DMD: variants seen among roughly 807,000 people sequenced by gnomAD.
DMD encodes mutant dystrophin.
In DMD, 63 loss-of-function variants were observed where a neutral mutation model predicts 330.1. That is an observed-to-expected ratio of 0.19 (90% CI 0.16 to 0.24). DMD has a LOEUF of 0.24. Among genes scored for constraint, DMD ranks in the 10% least tolerant of loss-of-function variants. DMD has a pLI of 1.00. For synonymous variants in DMD, 1,223 were observed against 959.8 expected (o/e 1.27, Z -5.07); for missense variants, 3,344 against 2,684.1 (o/e 1.25, Z -5.43).
intron 1 of DMD, among the ~76,000 whole-genome samples, chrX:33,195,732 TTG>T (rs71969580): frequency 5.8e-4 from 57 of 97,690 alleles, no homozygotes; most frequent in South Asian, 1.9e-3. Context: ...CTGTTCTATT[TTG>T]TGTGTGTGTG....
chrX:33,213,188 T>C (rs1406642568), upstream of DMD, among the ~76,000 whole-genome samples: 4 of 111,522 alleles, frequency 3.6e-5, no homozygotes, highest in African/African-American at 1.3e-4. Flanking sequence ...AACCCTAAAG[T>C]GTATGTTTCT....
intron 48 of DMD, among the ~76,000 whole-genome samples, chrX:31,848,752 C>T (rs1217837926): frequency 9.1e-6 from 1 of 109,920 alleles, no homozygotes; most frequent in Non-Finnish European, 1.9e-5. Flanking sequence ...GAAATCCAGC[C>T]CTGATAGGTT....
Position 31,121,724 on chromosome X carries a change from C to T in DMD, c.*195G>A. 2 of 603,484 alleles carry T rather than the reference C, an allele frequency of 3.3e-6. No homozygotes were observed. 49.7% of individuals were successfully genotyped at this position (603,484 alleles called of 1,213,427 possible). On this transcript the variant is annotated 3_prime_UTR_variant, in exon 79 of 79. Transcript: ENST00000357033. The stretch of plus-strand genomic sequence containing the variant: ...TACTGAAATCTACAGTATAATACCA[C>T]TACCCTTCACAAAAATATAGATTTA...
At chrX:33,058,313 G>GTC (rs2094542015) in intron 1 of DMD, among the ~76,000 whole-genome samples, 1 of 110,730 alleles carries the variant, frequency 9.0e-6, no homozygotes. Flanking sequence ...TTGAGACAGG[G>GTC]TCTGACTCTG....
At chrX:32,514,644 G>A (rs1478898554) in intron 18 of DMD, among the ~76,000 whole-genome samples, 1 of 112,427 alleles carries the variant, frequency 8.9e-6, no homozygotes. Context: ...AGGAGGCTGA[G>A]GCAGGAGAAC....
At chrX:33,149,444 G>A (rs912822977) in intron 1 of DMD, among the ~76,000 whole-genome samples, 2 of 112,192 alleles carry the variant, frequency 1.8e-5, no homozygotes, top group East Asian at 2.8e-4. Context: ...CTCACCGCTC[G>A]CCTCCTGCTG....
At chrX:31,297,579 G>C (rs1007074482) in intron 62 of DMD, among the ~76,000 whole-genome samples, 4 of 111,892 alleles carry the variant, frequency 3.6e-5, no homozygotes, top group African/African-American at 1.3e-4. Context: ...GAAGATAGTA[G>C]GTGCTGGTAT....
At chrX:31,997,413 T>G (rs1158355125) in intron 44 of DMD, among the ~76,000 whole-genome samples, 1 of 101,663 alleles carries the variant, frequency 9.8e-6, no homozygotes, top group Non-Finnish European at 2.0e-5. Context: ...GAACTAGGCA[T>G]CTCTATTTTT....
At chrX:32,777,282 G>GGGGGGGGGGGGGT (rs1368782701) in intron 7 of DMD, among the ~76,000 whole-genome samples, 2 of 54,131 alleles carry the variant, frequency 3.7e-5, no homozygotes, top group Non-Finnish European at 7.3e-5. Context: ...CTGGTTGGGG[G>GGGGGGGGGGGGGT]GGGAATCCTA....
chrX:32,328,441 TG>T (rs1425024757), intron 41 of DMD, among the ~76,000 whole-genome samples: 2 of 111,785 alleles, frequency 1.8e-5, no homozygotes, highest in East Asian at 2.8e-4. Flanking sequence ...GTCTTGTTTT[TG>T]CTCCTCACAT....
At chrX:31,889,540 T>C (rs899446646) in intron 47 of DMD, among the ~76,000 whole-genome samples, 2 of 109,824 alleles carry the variant, frequency 1.8e-5, no homozygotes, top group African/African-American at 6.6e-5. Context: ...CACTAAATAA[T>C]GTGATTTTGG....
chrX:33,152,208 C>T (rs1370792458), intron 1 of DMD, among the ~76,000 whole-genome samples: 7 of 108,683 alleles, frequency 6.4e-5, no homozygotes, highest in African/African-American at 2.0e-4. Flanking sequence ...CTCCCTCTGT[C>T]GCCCAGGATG....
chrX:31,570,114 G>T (rs2075731764), intron 55 of DMD, among the ~76,000 whole-genome samples: 1 of 111,077 alleles, frequency 9.0e-6, no homozygotes, highest in Admixed American at 9.6e-5. Context: ...GGGTCTTTTT[G>T]GTCTCCTCTA....
chrX:32,676,045 A>G (rs1251235995), intron 9 of DMD, among the ~76,000 whole-genome samples: 1 of 111,511 alleles, frequency 9.0e-6, no homozygotes, highest in Non-Finnish European at 1.9e-5. Flanking sequence ...TTCTAACCAT[A>G]CTACTTTGGT....
intron 41 of DMD, among the ~76,000 whole-genome samples, chrX:32,322,956 G>A (rs1446476769): frequency 2.7e-5 from 3 of 112,245 alleles, no homozygotes; most frequent in Non-Finnish European, 5.6e-5. Context: ...TTTTTACGAG[G>A]ACATTTCTCA....
chrX:32,106,871 C>G lies in DMD; in HGVS notation c.6438+110045G>C, dbSNP rs1259474028. On this transcript the variant is annotated intron_variant, in intron 44 of 78. Transcript: ENST00000357033. ...GGCAGAGGGAAATGTTTCTTAGGAC[C>G]CAGGCAAAACTGATTTATTTTCCTT... Among the ~76,000 whole-genome samples the G allele has an allele frequency of 2.7e-5, 3 of 111,757 alleles. No homozygotes were observed. The Admixed American group carries it at 2.9e-4, about 11-fold the overall frequency.
chrX:31,666,275 T>G (rs754796387), intron 53 of DMD, among the ~76,000 whole-genome samples: 2 of 111,837 alleles, frequency 1.8e-5, no homozygotes, highest in Non-Finnish European at 3.8e-5. Context: ...AATGGCCATG[T>G]GACTGGTTTT....
chrX:31,849,402 T>G (rs1384877968), intron 48 of DMD, among the ~76,000 whole-genome samples: 1 of 110,581 alleles, frequency 9.0e-6, no homozygotes, highest in Non-Finnish European at 1.9e-5. Flanking sequence ...CTGATCACTT[T>G]TGTGTTTGAT....
intron 50 of DMD, among the ~76,000 whole-genome samples, chrX:31,816,232 C>T (rs1045499085): frequency 2.7e-5 from 3 of 110,593 alleles, no homozygotes; most frequent in Non-Finnish European, 5.7e-5. Flanking sequence ...TTTTTTTTTC[C>T]AGTATGTTGA....
Sources: allele counts gnomAD v4.1 joint callset (sites outside exome capture counted in the v4.1 genomes callset), GRCh38; gene constraint gnomAD v4.1.1; transcripts MANE v1.5; gene names NCBI Gene and HGNC (gene_info 2026-07-23, HGNC 2026-07-21).